Variants in IGF1R observed in about 807,000 individuals in gnomAD.
IGF1R encodes the protein insulin-like growth factor 1 receptor.
IGF1R carries 44 observed loss-of-function variants against 144.6 expected under a neutral mutation model. The ratio of observed to expected loss-of-function variants is 0.30; its 90% confidence interval spans 0.24 to 0.39. The LOEUF is 0.39. Among genes scored for constraint, IGF1R ranks in the 10% least tolerant of loss-of-function variants. The pLI, the probability that IGF1R is intolerant of heterozygous loss-of-function variation, is 1.00. For missense variants in IGF1R, 1,355 were observed against 1,833.7 expected (o/e 0.74, Z 4.77); for synonymous variants, 795 against 722.8 (o/e 1.10, Z -1.60).
intron 2 of IGF1R, among the ~76,000 whole-genome samples, chr15:98,848,449 G>A (rs901608094): frequency 3.9e-5 from 6 of 152,156 alleles, no homozygotes; most frequent in Admixed American, 6.5e-5. Flanking sequence ...GCCATCCTCC[G>A]CAAGCATCCA....
intron 2 of IGF1R, among the ~76,000 whole-genome samples, chr15:98,847,719 G>A (rs948224898): frequency 3.3e-5 from 5 of 152,188 alleles, no homozygotes; most frequent in Admixed American, 3.3e-4. Flanking sequence ...TCTACATTAT[G>A]TGGGAATGTT....
At chr15:98,811,984 C>T (rs1466941976) in intron 2 of IGF1R, among the ~76,000 whole-genome samples, 1 of 152,240 alleles carries the variant, frequency 6.6e-6, no homozygotes, top group Admixed American at 6.5e-5. Context: ...GACATCTTTT[C>T]TGTGCCCTCT....
chr15:98,857,326 C>T lies in IGF1R; in HGVS notation c.641-33999C>T, dbSNP rs560623290. On this transcript the variant is annotated intron_variant, in intron 2 of 20. Transcript: ENST00000650285. ...CTCCACCTCCCAGGTTCGAGCAATT[C>T]TTCTGCCTCAGCTTCCTGAGTATCT... 3.5e-4 allele frequency among the ~76,000 whole-genome samples: 53 copies of T among 152,296 alleles called. No homozygotes were observed. In the South Asian group the frequency reaches 6.2e-3, roughly 18 times the overall value.
At chr15:98,925,952 A>G (rs2015700436) in intron 13 of IGF1R, among the ~76,000 whole-genome samples, 1 of 152,158 alleles carries the variant, frequency 6.6e-6, no homozygotes, top group South Asian at 2.1e-4. Flanking sequence ...AGGTCCAGCA[A>G]TCTCACTTCT....
At chr15:98,822,545 A>G (rs1431886216) in intron 2 of IGF1R, among the ~76,000 whole-genome samples, 1 of 152,258 alleles carries the variant, frequency 6.6e-6, no homozygotes, top group Non-Finnish European at 1.5e-5. Flanking sequence ...GTATAATTTA[A>G]TATAGTGAGC....
At chr15:98,768,368 G>A (rs1255279941) in intron 2 of IGF1R, among the ~76,000 whole-genome samples, 1 of 152,154 alleles carries the variant, frequency 6.6e-6, no homozygotes, top group African/African-American at 2.4e-5. Flanking sequence ...TATAATCCCA[G>A]TACTTTGGGA....
intron 2 of IGF1R, among the ~76,000 whole-genome samples, chr15:98,828,389 G>T (rs972667573): frequency 6.6e-6 from 1 of 152,122 alleles, no homozygotes; most frequent in Admixed American, 6.5e-5. Flanking sequence ...CCCTGTGACT[G>T]TCCATCCATA....
chr15:98,957,015 G>A (rs1219006048), intron 20 of IGF1R, 46 bp from the exon 21 acceptor site: 1 of 1,612,078 alleles, frequency 6.2e-7, no homozygotes, highest in Admixed American at 1.7e-5. Flanking sequence ...TCCTGGCCAT[G>A]TGCGCCCTCC....
intron 2 of IGF1R, among the ~76,000 whole-genome samples, chr15:98,763,741 A>C (rs1316204108): frequency 1.3e-5 from 2 of 152,176 alleles, no homozygotes; most frequent in Non-Finnish European, 2.9e-5. Context: ...TTGAATGCTT[A>C]GACTGGAAAG....
Position 98,649,784 on chromosome 15 carries a change from G to A in IGF1R, c.94+109G>A, listed in dbSNP as rs532610192. On this transcript the variant is annotated intron_variant, in intron 1 of 20. Transcript: ENST00000650285. ...ACCGTCGCAGCTGTCGGGCCCCCGG[G>A]CTCGGGAGCGGCGGGGTGGGGCGCA... 1.3e-4 allele frequency: 104 copies of A among 815,086 alleles called. No homozygotes were observed. The South Asian group carries it at 1.5e-3, about 12-fold the overall frequency. The allele number at this position is 815,086 out of a possible 1,614,324, so 50.5% of individuals were successfully genotyped here.
At chr15:98,651,245 C>T (rs144088077) in intron 1 of IGF1R, among the ~76,000 whole-genome samples, 15 of 152,314 alleles carry the variant, frequency 9.8e-5, no homozygotes, top group East Asian at 1.9e-4. Context: ...AATCCTTAAA[C>T]GTCTGGTAAG....
rs954302885 is a variant in IGF1R at position 98,860,200 on chromosome 15, C to G, written c.641-31125C>G. Among the ~76,000 whole-genome samples the G allele has an allele frequency of 5.3e-5, 8 of 152,220 alleles. No homozygotes were observed. In the East Asian group the frequency reaches 1.5e-3, roughly 29 times the overall value. On this transcript the variant is annotated intron_variant, in intron 2 of 20. Coordinates refer to ENST00000650285, the MANE Select transcript of IGF1R (RefSeq NM_000875.5). ...ATCAAAGACTTTTGAAATGGCACAC[C>G]GTTTCTTAACATTTAGGCCAATTTC...
intron 6 of IGF1R, among the ~76,000 whole-genome samples, chr15:98,909,380 T>G (rs564328106): frequency 2.0e-5 from 3 of 149,636 alleles, no homozygotes; most frequent in African/African-American, 7.3e-5. Context: ...TGCCTCAGCC[T>G]CCCGAGCAGC....
At position 98,964,089 on chromosome 15, in the gene IGF1R, T is replaced by G. The variant is rs913727934; in HGVS notation, c.*6647T>G. 1 of 233,078 alleles carries G rather than the reference T, an allele frequency of 4.3e-6. No homozygotes were observed. The highest frequency in any genetic ancestry group is 2.2e-5 in the African/African-American group (1 of 45,288). The allele number at this position is 233,078 out of a possible 1,614,324, so 14.4% of individuals were successfully genotyped here. On this transcript the variant is annotated 3_prime_UTR_variant, in exon 21 of 21. Transcript: ENST00000650285. ...AGCCAGTGAGGTTGAGGTGAGAGGT[T>G]TGCCAGAGTTTGTCTACCTCTGGGT...
intron 2 of IGF1R, among the ~76,000 whole-genome samples, chr15:98,760,611 G>T (rs538826493): frequency 2.6e-5 from 4 of 152,322 alleles, no homozygotes; most frequent in African/African-American, 9.6e-5. Context: ...CATTGCAGGC[G>T]TGTGTGCATG....
intron 5 of IGF1R, among the ~76,000 whole-genome samples, chr15:98,905,241 TTGGGA>T: frequency 6.6e-6 from 1 of 152,160 alleles, no homozygotes; most frequent in Non-Finnish European, 1.5e-5. Context: ...GGTCTACAGA[TTGGGA>T]GATAGGGCCT....
intron 2 of IGF1R, among the ~76,000 whole-genome samples, chr15:98,835,070 ACAC>A (rs1280011676): frequency 2.0e-5 from 2 of 102,462 alleles, no homozygotes; most frequent in African/African-American, 7.7e-5. Context: ...GGGCAAGAGA[ACAC>A]CCCCCCTACA....
chr15:98,652,750 G>A (rs1189349742), intron 1 of IGF1R, among the ~76,000 whole-genome samples: 1 of 152,180 alleles, frequency 6.6e-6, no homozygotes, highest in Non-Finnish European at 1.5e-5. Flanking sequence ...GTTGCCAGGG[G>A]CTGGGGGCGG....
intron 2 of IGF1R, among the ~76,000 whole-genome samples, chr15:98,885,606 G>A (rs190384083): frequency 1.6e-3 from 238 of 152,274 alleles, no homozygotes; most frequent in African/African-American, 5.5e-3. Flanking sequence ...TGGAACAGTG[G>A]TGTGTACCTT....
Sources: allele counts gnomAD v4.1 joint callset (sites outside exome capture counted in the v4.1 genomes callset), GRCh38; gene constraint gnomAD v4.1.1; transcripts MANE v1.5; gene names NCBI Gene and HGNC (gene_info 2026-07-23, HGNC 2026-07-21).